Variants in SLC16A10 observed in about 807,000 individuals in gnomAD.
The protein encoded by SLC16A10 is monocarboxylate transporter 10.
In SLC16A10, 27 loss-of-function variants were observed where a neutral mutation model predicts 40.0. That is an observed-to-expected ratio of 0.67 (90% CI 0.50 to 0.93). The LOEUF (loss-of-function observed/expected upper bound fraction) is 0.93. Ranked by LOEUF, SLC16A10 falls within the 40% of genes least tolerant of loss-of-function variation. The probability of loss-of-function intolerance (pLI) is 0.00; values close to 1 mark genes in which losing one functional copy is unlikely to be tolerated. For missense variants in SLC16A10, 529 were observed against 658.2 expected (o/e 0.80, Z 2.15); for synonymous variants, 213 against 249.8 (o/e 0.85, Z 1.39).
At chr6:111,208,906 G>T (rs1231349829) in intron 4 of SLC16A10, among the ~76,000 whole-genome samples, 1 of 151,954 alleles carries the variant, frequency 6.6e-6, no homozygotes, top group African/African-American at 2.4e-5. Context: ...TCTCAATAAA[G>T]CTATTTTTAA....
chr6:111,133,290 T>G (rs1325165811), intron 1 of SLC16A10, among the ~76,000 whole-genome samples: 1 of 152,118 alleles, frequency 6.6e-6, no homozygotes. Context: ...GGAATAAACA[T>G]TAGGACCATA....
chr6:111,107,778 G>A (rs1771310058), intron 1 of SLC16A10, among the ~76,000 whole-genome samples: 1 of 152,196 alleles, frequency 6.6e-6, no homozygotes, highest in South Asian at 2.1e-4. Context: ...GTCATGATAA[G>A]AGACTTTTGG....
intron 1 of SLC16A10, among the ~76,000 whole-genome samples, chr6:111,145,287 G>C (rs1772056382): frequency 6.6e-6 from 1 of 152,068 alleles, no homozygotes. Flanking sequence ...TGTGGTCCCA[G>C]CTACTCAGGA....
At chr6:111,109,857 T>C (rs1188033657) in intron 1 of SLC16A10, among the ~76,000 whole-genome samples, 4 of 152,192 alleles carry the variant, frequency 2.6e-5, no homozygotes, top group African/African-American at 9.7e-5. Context: ...AAACCTTTGT[T>C]GGGATGTATG....
chr6:111,117,748 G>A (rs1771514256), intron 1 of SLC16A10, among the ~76,000 whole-genome samples: 1 of 152,144 alleles, frequency 6.6e-6, no homozygotes, highest in African/African-American at 2.4e-5. Flanking sequence ...TGATGAATGG[G>A]GAGAGAATAG....
At chr6:111,208,480 A>G (rs2114585164) in intron 4 of SLC16A10, among the ~76,000 whole-genome samples, 1 of 152,292 alleles carries the variant, frequency 6.6e-6, no homozygotes, top group African/African-American at 2.4e-5. Flanking sequence ...CAGCAGGCTG[A>G]AGCAGGAGAA....
intron 1 of SLC16A10, among the ~76,000 whole-genome samples, chr6:111,145,678 G>A (rs1300719301): frequency 6.6e-6 from 1 of 152,004 alleles, no homozygotes; most frequent in East Asian, 1.9e-4. Flanking sequence ...TTGAGACCTC[G>A]TCTCTTAAAA....
At chr6:111,116,700 T>C (rs977436668) in intron 1 of SLC16A10, among the ~76,000 whole-genome samples, 1 of 152,166 alleles carries the variant, frequency 6.6e-6, no homozygotes, top group African/African-American at 2.4e-5. Context: ...TGTGCTTGCA[T>C]GTGAGGAGAG....
At chr6:111,108,191 T>G (rs1341149992) in intron 1 of SLC16A10, among the ~76,000 whole-genome samples, 1 of 152,098 alleles carries the variant, frequency 6.6e-6, no homozygotes, top group African/African-American at 2.4e-5. Context: ...AGCTATTTTT[T>G]GTATTTTTAG....
Position 111,226,500 on chromosome 6 carries a change from A to G in SLC16A10, c.*4265A>G, listed in dbSNP as rs1456609626. 6.6e-6 allele frequency: 1 copy of G among 152,222 alleles called. No individual in the cohort carries two copies. The highest frequency in any genetic ancestry group is 2.4e-5 in the African/African-American group (1 of 41,466). 9.4% of individuals were successfully genotyped at this position (152,222 alleles called of 1,614,324 possible). A position where few individuals can be genotyped will look rare whatever the true frequency, so the allele number is the denominator to read the frequency against. ...AACAAGTATTTAAAACTTTTTAGGAAGTCTCTAACACTGAAAAAAAGGTCA... is the reference window on the plus strand; with the variant it reads ...AACAAGTATTTAAAACTTTTTAGGAGGTCTCTAACACTGAAAAAAAGGTCA... On this transcript the variant is annotated 3_prime_UTR_variant, in exon 6 of 6. Transcript: ENST00000368851.
Position 111,215,570 on chromosome 6 carries a change from T to A in SLC16A10, c.1087-3244T>A, listed in dbSNP as rs543452138. ...CTATAGTTTTAACAATTAAATCCAT[T>A]GAATCTGGCCCCGTACCATCCTAAA... is the stretch of plus-strand genomic sequence containing the variant. On this transcript the variant is annotated intron_variant, in intron 4 of 5. Transcript: ENST00000368851. 1.8e-4 allele frequency among the ~76,000 whole-genome samples: 27 copies of A among 152,324 alleles called. 1 individual carries two copies. In the South Asian group the frequency reaches 5.4e-3, roughly 30 times the overall value.
intron 1 of SLC16A10, among the ~76,000 whole-genome samples, chr6:111,161,245 A>AC (rs1271973755): frequency 3.3e-5 from 5 of 150,728 alleles, no homozygotes; most frequent in Non-Finnish European, 5.9e-5. Context: ...AAAAAAAAAA[A>AC]AGAAAGGGTA....
At chr6:111,215,441 G>A (rs1773404963) in intron 4 of SLC16A10, among the ~76,000 whole-genome samples, 2 of 146,162 alleles carry the variant, frequency 1.4e-5, no homozygotes, top group Non-Finnish European at 3.0e-5. Flanking sequence ...AAGGAAATAT[G>A]TACTGACCAA....
At chr6:111,125,673 T>C (rs1028654788) in intron 1 of SLC16A10, among the ~76,000 whole-genome samples, 14 of 152,186 alleles carry the variant, frequency 9.2e-5, no homozygotes, top group African/African-American at 3.4e-4. Flanking sequence ...GAGTTTATAT[T>C]TATACTGTAT....
chr6:111,089,301 G>T (rs910522748), intron 1 of SLC16A10, among the ~76,000 whole-genome samples: 1 of 152,024 alleles, frequency 6.6e-6, no homozygotes. Context: ...CTTCCATTCC[G>T]CATCATGTTT....
intron 3 of SLC16A10, among the ~76,000 whole-genome samples, chr6:111,194,553 A>G (rs1773047518): frequency 6.6e-6 from 1 of 152,180 alleles, no homozygotes; most frequent in South Asian, 2.1e-4. Flanking sequence ...TCACCCAACA[A>G]GTAGGTTAAC....
At chr6:111,164,894 CTT>C (rs1318854606) in intron 1 of SLC16A10, among the ~76,000 whole-genome samples, 2 of 152,184 alleles carry the variant, frequency 1.3e-5, no homozygotes, top group East Asian at 1.9e-4. Flanking sequence ...ATCTCTAAAA[CTT>C]TTTATTTTTC....
intron 1 of SLC16A10, among the ~76,000 whole-genome samples, chr6:111,161,330 C>A (rs1307700564): frequency 6.6e-6 from 1 of 150,902 alleles, no homozygotes; most frequent in African/African-American, 2.4e-5. Context: ...GGTTCTCAAT[C>A]CAGTCCATGG....
rs1351672388 is a variant in SLC16A10, at chr6:111,222,900, A to G, written c.*665A>G. The G allele has an allele frequency of 1.3e-5, 2 of 152,262 alleles. No homozygotes were observed. Among genetic ancestry groups the G allele is most frequent in the Non-Finnish European group, 2.9e-5 (2 of 68,068 alleles). 9.4% of individuals were successfully genotyped at this position (152,262 alleles called of 1,614,324 possible). A position where few individuals can be genotyped will look rare whatever the true frequency, so the allele number is the denominator to read the frequency against. On this transcript the variant is annotated 3_prime_UTR_variant, in exon 6 of 6. Transcript: ENST00000368851. ...TCCTGAGCTGTTCAGAAATCATTTA[A>G]GTTTACAGCGTTGTTCCCTTTGCGT...
Sources: allele counts gnomAD v4.1 joint callset (sites outside exome capture counted in the v4.1 genomes callset), GRCh38; gene constraint gnomAD v4.1.1; transcripts MANE v1.5; gene names NCBI Gene and HGNC (gene_info 2026-07-23, HGNC 2026-07-21).